CNTN4: variants seen among roughly 807,000 people sequenced by gnomAD.
CNTN4 encodes contactin 4.
CNTN4 carries 77 observed loss-of-function variants against 122.5 expected under a neutral mutation model. The ratio of observed to expected loss-of-function variants is 0.63; its 90% CI spans 0.52 to 0.76. CNTN4 has a LOEUF of 0.76. CNTN4 is among the 30% of genes least tolerant of loss of function. The pLI is 0.00. For synonymous variants in CNTN4, 512 were observed against 447.0 expected, an observed-to-expected ratio of 1.15 and a Z score of -1.83; for missense variants, 1,256 against 1,259.1, an observed-to-expected ratio of 1.00 and a Z score of 0.04.
chr3:2,553,968 G>T (rs2078618916), intron 3 of CNTN4, among the ~76,000 whole-genome samples: 1 of 152,112 alleles, frequency 6.6e-6, no homozygotes, highest in Admixed American at 6.6e-5. Flanking sequence ...TTAAAGCTAT[G>T]TGTTTTCTGT....
At chr3:2,486,150 A>G (rs547966807) in intron 3 of CNTN4, among the ~76,000 whole-genome samples, 1 of 152,258 alleles carries the variant, frequency 6.6e-6, no homozygotes, top group South Asian at 2.1e-4. Context: ...TAAGAGCTGT[A>G]ACACTCACTG....
intron 3 of CNTN4, among the ~76,000 whole-genome samples, chr3:2,366,964 C>A (rs554883561): frequency 6.6e-6 from 1 of 152,030 alleles, no homozygotes; most frequent in African/African-American, 2.4e-5. Context: ...TGTGTAGAAA[C>A]CCAAAATATT....
chr3:2,710,215 T>C (rs1576533390), intron 4 of CNTN4, among the ~76,000 whole-genome samples: 1 of 152,206 alleles, frequency 6.6e-6, no homozygotes, highest in African/African-American at 2.4e-5. Flanking sequence ...TTTGTTAGTT[T>C]TGCAGGCCTC....
At chr3:2,727,433 G>A (rs2088307907) in intron 4 of CNTN4, among the ~76,000 whole-genome samples, 1 of 152,112 alleles carries the variant, frequency 6.6e-6, no homozygotes, top group Non-Finnish European at 1.5e-5. Flanking sequence ...CTTCTTTCTT[G>A]TCATAACTAG....
At chr3:2,395,629 C>T (rs1314538847) in intron 3 of CNTN4, among the ~76,000 whole-genome samples, 1 of 152,076 alleles carries the variant, frequency 6.6e-6, no homozygotes, top group Non-Finnish European at 1.5e-5. Context: ...GTTCCAGTGT[C>T]CATTGTTCCC....
At chr3:2,234,563 T>G (rs547906731) in intron 2 of CNTN4, among the ~76,000 whole-genome samples, 1 of 152,160 alleles carries the variant, frequency 6.6e-6, no homozygotes, top group South Asian at 2.1e-4. Context: ...ATTAAGAAAA[T>G]TCATTAAATG....
At chr3:2,591,629 G>A (rs1209174943) in intron 4 of CNTN4, among the ~76,000 whole-genome samples, 20 of 51,728 alleles carry the variant, frequency 3.9e-4, no homozygotes, top group South Asian at 8.3e-4. Context: ...CTCCCAAAGT[G>A]CTGGGATTAC....
intron 7 of CNTN4, among the ~76,000 whole-genome samples, chr3:2,823,133 T>G (rs2092913812): frequency 6.6e-6 from 1 of 152,232 alleles, no homozygotes; most frequent in Non-Finnish European, 1.5e-5. Context: ...CTCACTGTTT[T>G]TCCGGGCTGT....
chr3:2,693,983 C>T (rs1280869383), intron 4 of CNTN4, among the ~76,000 whole-genome samples: 1 of 152,140 alleles, frequency 6.6e-6, no homozygotes, highest in African/African-American at 2.4e-5. Flanking sequence ...CTTTCATCTT[C>T]CCAGTATAGT....
intron 2 of CNTN4, among the ~76,000 whole-genome samples, chr3:2,287,705 A>AGAG (rs2041978362): frequency 5.6e-5 from 4 of 72,050 alleles, no homozygotes; most frequent in African/African-American, 1.6e-4. Context: ...AAGAAGAAGA[A>AGAG]GAAGAGGAAG....
At chr3:2,331,027 T>G (rs1231257698) in intron 2 of CNTN4, among the ~76,000 whole-genome samples, 1 of 152,204 alleles carries the variant, frequency 6.6e-6, no homozygotes, top group African/African-American at 2.4e-5. Context: ...TGACAAGTTT[T>G]CATACAATTG....
At chr3:2,142,218 G>GT (rs2035027713) in intron 2 of CNTN4, among the ~76,000 whole-genome samples, 1 of 152,100 alleles carries the variant, frequency 6.6e-6, no homozygotes, top group Non-Finnish European at 1.5e-5. Flanking sequence ...GGAAGCATCT[G>GT]TTTCTACATA....
intron 1 of CNTN4, 148 bp from the exon 2 acceptor site, chr3:2,100,410 G>C (rs1007006209): frequency 6.6e-6 from 1 of 151,582 alleles, no homozygotes; most frequent in Non-Finnish European, 1.5e-5. Context: ...GTATTTTTTT[G>C]TTTTTTGAGA....
At chr3:2,347,444 C>T (rs1559473921) in intron 3 of CNTN4, among the ~76,000 whole-genome samples, 1 of 129,676 alleles carries the variant, frequency 7.7e-6, no homozygotes, top group African/African-American at 2.9e-5. Flanking sequence ...CATAATCTCG[C>T]TGTCGCCCAG....
At chr3:2,173,886 CAG>C (rs1394327215) in intron 2 of CNTN4, among the ~76,000 whole-genome samples, 1 of 151,950 alleles carries the variant, frequency 6.6e-6, no homozygotes, top group Admixed American at 6.6e-5. Context: ...TGTTAAAAAA[CAG>C]AATCGGAAAA....
At chr3:2,753,198 G>C (rs1345281433) in intron 6 of CNTN4, among the ~76,000 whole-genome samples, 1 of 152,144 alleles carries the variant, frequency 6.6e-6, no homozygotes, top group South Asian at 2.1e-4. Flanking sequence ...TAGTTGATAA[G>C]AGCACAAGCC....
intron 3 of CNTN4, among the ~76,000 whole-genome samples, chr3:2,545,634 C>G (rs1245179160): frequency 6.8e-6 from 1 of 146,714 alleles, no homozygotes; most frequent in African/African-American, 2.5e-5. Context: ...TTTTTTTATC[C>G]TTTTCATCTT....
At chr3:2,942,483 A>C (rs2094625418) in intron 13 of CNTN4, among the ~76,000 whole-genome samples, 1 of 152,172 alleles carries the variant, frequency 6.6e-6, no homozygotes. Context: ...CATGAGACGC[A>C]ATTACTGCAG....
chr3:2,903,059 C>T, intron 12 of CNTN4, 54 bp downstream of exon 12: 1 of 1,557,122 alleles, frequency 6.4e-7, no homozygotes, highest in Non-Finnish European at 8.8e-7. Flanking sequence ...GATCACTAAA[C>T]TAACTTGTTC....
Sources: gnomAD v4.1 joint callset for allele counts (sites outside exome capture counted in the v4.1 genomes callset) on GRCh38, gnomAD v4.1.1 for gene constraint, MANE v1.5 for transcripts, NCBI Gene and HGNC (gene_info 2026-07-23, HGNC 2026-07-21) for gene names.